Variants in CDC123 observed in about 807,000 individuals in gnomAD.
CDC123 encodes the protein cell division cycle 123.
Under a neutral mutation model 54.4 loss-of-function variants are expected in CDC123, and 37 were observed. The ratio of observed to expected loss-of-function variants is 0.68; its 90% CI spans 0.52 to 0.89. The LOEUF is 0.89. Among genes scored for constraint, CDC123 ranks in the 40% least tolerant of loss-of-function variants. The pLI, the probability that CDC123 is intolerant of heterozygous loss-of-function variation, is 0.00. For missense variants in CDC123, 361 were observed against 412.1 expected (o/e 0.88, Z 1.07); for synonymous variants, 144 against 136.8 (o/e 1.05, Z -0.37).
At chr10:12,221,139 CAA>C (rs549336570) in intron 6 of CDC123, among the ~76,000 whole-genome samples, 5 of 144,032 alleles carry the variant, frequency 3.5e-5, no homozygotes, top group African/African-American at 1.3e-4. Flanking sequence ...CTTGACTTGA[CAA>C]AAAAAAAATG....
At chr10:12,230,381 CAG>C (rs1835884215) in intron 6 of CDC123, among the ~76,000 whole-genome samples, 1 of 152,012 alleles carries the variant, frequency 6.6e-6, no homozygotes, top group Non-Finnish European at 1.5e-5. Flanking sequence ...TTACTAGAGA[CAG>C]GGTATCACCA....
At chr10:12,196,350 C>T (rs1434373192) in intron 1 of CDC123, 31 bp downstream of exon 1, 1 of 1,613,652 alleles carries the variant, frequency 6.2e-7, no homozygotes, top group South Asian at 1.1e-5. Context: ...CCCGGTCGAC[C>T]GGCAAAAGGG....
At chr10:12,213,565 T>G (rs1004675866) in intron 4 of CDC123, among the ~76,000 whole-genome samples, 8 of 144,164 alleles carry the variant, frequency 5.5e-5, no homozygotes, top group Admixed American at 4.2e-4. Context: ...AAAGTTTCAG[T>G]TTTTTTTTTT....
In CDC123 at chr10:12,232,265, G is replaced by C. The variant is rs534541687; in HGVS notation, c.489+1269G>C. 2.2e-4 allele frequency among the ~76,000 whole-genome samples: 34 copies of C among 152,120 alleles called. No homozygotes were observed. The South Asian group carries it at 7.1e-3, about 32-fold the overall frequency. The stretch of plus-strand genomic sequence containing the variant: ...CTCATAGTTTGTTGCAAAGAGGATG[G>C]CCATCTTTGCTCCATAATTGCATTT... On this transcript the variant is annotated intron_variant, in intron 7 of 12. Coordinates refer to ENST00000281141, the MANE Select transcript of CDC123 (RefSeq NM_006023.3).
intron 6 of CDC123, among the ~76,000 whole-genome samples, chr10:12,225,470 C>G (rs1010825692): frequency 6.6e-6 from 1 of 152,136 alleles, no homozygotes; most frequent in Admixed American, 6.5e-5. Flanking sequence ...ATTGGAATCT[C>G]TGGGGAAGTA....
At chr10:12,234,330 A>G (rs1459728103) in intron 7 of CDC123, among the ~76,000 whole-genome samples, 1 of 152,058 alleles carries the variant, frequency 6.6e-6, no homozygotes, top group African/African-American at 2.4e-5. Flanking sequence ...GCTCTCTACA[A>G]CCTCTGCCTC....
Position 12,220,265 on chromosome 10 carries a change from A to G in CDC123, c.440+2798A>G, listed in dbSNP as rs189401919. On this transcript the variant is annotated intron_variant, in intron 6 of 12. Coordinates refer to ENST00000281141, the MANE Select transcript of CDC123 (RefSeq NM_006023.3). ...TTTTTTAAATCAGCTTTGCAATTTA[A>G]TGATCAGCTGCCTCCTCTTAAGCTA... 7.2e-5 allele frequency among the ~76,000 whole-genome samples: 11 copies of G among 152,326 alleles called. No individual in the cohort carries two copies. In the East Asian group the frequency reaches 1.3e-3, roughly 19 times the overall value.
In CDC123 at chr10:12,247,042, G is replaced by A. The variant is rs796279565; in HGVS notation, c.846+765G>A. The A allele has an allele frequency of 3.7e-5, 2 of 54,478 alleles. 1 individual carries two copies. Among genetic ancestry groups the A allele is most frequent in the Non-Finnish European group, 7.0e-5 (2 of 28,698 alleles). The allele number at this position is 54,478 out of a possible 1,614,324, so 3.4% of individuals were successfully genotyped here. A position where few individuals can be genotyped will look rare whatever the true frequency, so the allele number is the denominator to read the frequency against. On this transcript the variant is annotated intron_variant, in intron 11 of 12. Transcript: ENST00000281141. The stretch of plus-strand genomic sequence containing the variant: ...GGACACTGTGTCCTCCTCTCTCACC[G>A]CCCACTCCGGACACTGTGTCCTCCT...
chr10:12,202,493 A>T (rs1419755447), intron 2 of CDC123, among the ~76,000 whole-genome samples: 4 of 151,956 alleles, frequency 2.6e-5, no homozygotes, highest in Non-Finnish European at 5.9e-5. Context: ...CCTCCAGTCC[A>T]ATTCAGTTGA....
At chr10:12,231,618 T>G (rs1321374249) in intron 7 of CDC123, among the ~76,000 whole-genome samples, 2 of 86,796 alleles carry the variant, frequency 2.3e-5, no homozygotes, top group Non-Finnish European at 4.6e-5. Context: ...AAAGTGAAAC[T>G]CCGTCTCAAA....
intron 5 of CDC123, 139 bp downstream of exon 5, chr10:12,215,974 C>T (rs1835657034): frequency 3.7e-6 from 2 of 541,336 alleles, no homozygotes; most frequent in African/African-American, 2.0e-5. Flanking sequence ...TAATTTCCCT[C>T]TACTGTTTTA....
rs1835988920 is a variant in CDC123 at position 12,237,167 on chromosome 10, C to G, written c.589C>G (p.Gln197Glu). The change falls in exon 9 of 13, where the codon CAA becomes GAA. Residue 197 changes from glutamine (Q) to glutamate (E), a missense_variant. Transcript: ENST00000281141. Reference sequence around the variant, plus strand: ...AGGTATTTCTCAAAGAGACTACACACAATACTATGATCATATTTCTAAACA... The same window carrying G: ...AGGTATTTCTCAAAGAGACTACACAGAATACTATGATCATATTTCTAAACA... ...LIGISQRDYT[Q>E]YYDHISKQKE... The G allele has an allele frequency of 6.4e-7, 1 of 1,563,596 alleles. No individual in the cohort carries two copies. Among genetic ancestry groups the G allele is most frequent in the South Asian group, 1.2e-5 (1 of 80,496 alleles).
chr10:12,212,115 T>C (rs1835610715), intron 4 of CDC123, among the ~76,000 whole-genome samples: 1 of 152,050 alleles, frequency 6.6e-6, no homozygotes, highest in Non-Finnish European at 1.5e-5. Flanking sequence ...AAAATAAATA[T>C]GTATAGATGA....
intron 8 of CDC123, among the ~76,000 whole-genome samples, chr10:12,236,905 CAAAACA>C (rs1220417067): frequency 6.6e-6 from 1 of 151,724 alleles, no homozygotes; most frequent in African/African-American, 2.4e-5. Flanking sequence ...CAAAACAAAA[CAAAACA>C]AAACAAAACA....
At chr10:12,249,747 G>A in intron 12 of CDC123, 29 bp downstream of exon 12, 1 of 1,570,346 alleles carries the variant, frequency 6.4e-7, no homozygotes, top group African/African-American at 1.4e-5. Context: ...TAGTATGCTG[G>A]CCATCTTTTC....
chr10:12,206,785 C>A (rs1360187888), intron 2 of CDC123, among the ~76,000 whole-genome samples: 1 of 151,930 alleles, frequency 6.6e-6, no homozygotes, highest in African/African-American at 2.4e-5. Flanking sequence ...GGTGAAACCC[C>A]ATCTCTACTA....
At chr10:12,249,370 C>T (rs1479591239) in intron 11 of CDC123, among the ~76,000 whole-genome samples, 3 of 152,046 alleles carry the variant, frequency 2.0e-5, no homozygotes, top group Non-Finnish European at 4.4e-5. Flanking sequence ...CCCAGGAGGT[C>T]GAGGCTGCAG....
At chr10:12,219,481 T>C (rs1325060449) in intron 6 of CDC123, among the ~76,000 whole-genome samples, 3 of 152,096 alleles carry the variant, frequency 2.0e-5, no homozygotes, top group Non-Finnish European at 2.9e-5. Context: ...TGACATTTAA[T>C]TGTCAACCCT....
At chr10:12,209,897 T>C in intron 2 of CDC123, 70 bp from the exon 3 acceptor site, 1 of 1,425,130 alleles carries the variant, frequency 7.0e-7, no homozygotes, top group Admixed American at 1.7e-5. Context: ...ATATACTCAG[T>C]ACCCCTGAAA....
Sources: allele counts gnomAD v4.1 joint callset (sites outside exome capture counted in the v4.1 genomes callset), GRCh38; gene constraint gnomAD v4.1.1; transcripts MANE v1.5; gene names NCBI Gene and HGNC (gene_info 2026-07-23, HGNC 2026-07-21).